FBN3: variants seen among roughly 807,000 people sequenced by gnomAD.
FBN3 encodes fibrillin-3.
In FBN3, 234 loss-of-function variants were observed where a neutral mutation model predicts 330.1. The ratio of observed to expected loss-of-function variants is 0.71; its 90% CI spans 0.64 to 0.79. FBN3 has a LOEUF of 0.79. FBN3 is among the 30% of genes least tolerant of loss of function. FBN3 has a pLI of 0.00. For missense variants in FBN3, 3,606 were observed against 3,886.9 expected (o/e 0.93, Z 1.92); for synonymous variants, 1,458 against 1,517.3 (o/e 0.96, Z 0.91).
intron 61 of FBN3, 64 bp downstream of exon 61, chr19:8,075,007 T>C (rs2145376483): frequency 1.3e-6 from 2 of 1,542,620 alleles, no homozygotes; most frequent in East Asian, 2.3e-5. Context: ...TGGCGTCTGT[T>C]AGTCGCCTGC....
rs2083066650 is a variant in FBN3 at position 8,129,185 on chromosome 19, G to A, written c.2171-32C>T. The A allele has an allele frequency of 6.2e-7, 1 of 1,611,930 alleles. No individual in the cohort carries two copies. Among genetic ancestry groups the A allele is most frequent in the Non-Finnish European group, 8.5e-7 (1 of 1,178,944 alleles). On this transcript the variant is annotated intron_variant, in intron 17 of 63. Coordinates refer to ENST00000600128, the MANE Select transcript of FBN3 (RefSeq NM_032447.5). The surrounding 1 kb of genome is among the most constrained non-coding windows in gnomAD (Gnocchi z 4.5). ...GGTGGGGGTGGGAGAGAGGGGTGAGGGGTCTGCAGTGGGAGAGGCTGCCCA... is the reference window on the plus strand; with the variant it reads ...GGTGGGGGTGGGAGAGAGGGGTGAGAGGTCTGCAGTGGGAGAGGCTGCCCA...
In FBN3 at chr19:8,117,181, T is replaced by C; in HGVS notation, c.3574A>G (p.Arg1192Gly). The stretch of plus-strand genomic sequence containing the variant: ...TGTGCCCACCTACCTGCACATGCCC[T>C]TCCGTCGGGCATCAGCGAGTAGCCC... ...GQGYSLMPDG[R>G]ACADVDECEE... Residue 1192 changes from arginine (R) to glycine (G), a missense_variant, in exon 28 of 64, where the codon AGG becomes GGG. Transcript: ENST00000600128. 1.9e-6 allele frequency: 3 copies of C among 1,614,092 alleles called. No homozygotes were observed. In the South Asian group the frequency reaches 3.3e-5, roughly 18 times the overall value.
intron 47 of FBN3, among the ~76,000 whole-genome samples, chr19:8,092,580 G>A (rs2082119270): frequency 6.6e-6 from 1 of 151,768 alleles, no homozygotes; most frequent in African/African-American, 2.4e-5. Flanking sequence ...GGGCATTGTG[G>A]CGGGGCGCAC....
intron 6 of FBN3, among the ~76,000 whole-genome samples, 194 bp from the exon 7 acceptor site, chr19:8,142,331 T>C (rs1356505129): frequency 6.6e-6 from 1 of 152,156 alleles, no homozygotes; most frequent in Non-Finnish European, 1.5e-5. Context: ...AAACCCTTTT[T>C]CTTCAAAGCA....
rs1485216019 is a variant in FBN3 at position 8,129,223 on chromosome 19, C to T, written c.2170+17G>A. 6.2e-7 allele frequency: 1 copy of T among 1,613,354 alleles called. No individual in the cohort carries two copies. The highest frequency in any genetic ancestry group is 8.5e-7 in the Non-Finnish European group (1 of 1,179,624). On this transcript the variant is annotated intron_variant, in intron 17 of 63. Transcript: ENST00000600128. The surrounding 1 kb of genome is among the most constrained non-coding windows in gnomAD (Gnocchi z 4.5). ...GAGAGGCTGCCCACACATCCGCCCG[C>T]CAGGTGGCATGCTCACCTGTGCAGT...
rs758969523 is a variant in FBN3, at chr19:8,115,368, T to C, written c.3838+147A>G. 1.0e-4 allele frequency: 110 copies of C among 1,084,346 alleles called. 1 individual carries two copies. The highest frequency in any genetic ancestry group is 9.1e-6 in the Non-Finnish European group (7 of 766,482). The allele number at this position is 1,084,346 out of a possible 1,614,324, so 67.2% of individuals were successfully genotyped here. On this transcript the variant is annotated intron_variant, in intron 30 of 63. Coordinates refer to ENST00000600128, the MANE Select transcript of FBN3 (RefSeq NM_032447.5). ...CCCGGGGCACTGTATAGGACTCTGTTCTTGCTTTAACACAAGAAGCCATCC... is the reference window on the plus strand; with the variant it reads ...CCCGGGGCACTGTATAGGACTCTGTCCTTGCTTTAACACAAGAAGCCATCC...
rs60853419 is a variant in FBN3 at position 8,129,065 on chromosome 19, G to C, written c.2259C>G (p.Pro753=). Residue 753 remains proline (P), a synonymous_variant, in exon 18 of 64, where the codon CCC becomes CCG. Transcript: ENST00000600128. This position sits in a 1 kb window ranked among gnomAD's most constrained non-coding sequence, Gnocchi z 4.5. ...CCGTGTCCTGCCAGAAGTGGAAGCC[G>C]GGGGGGCAGGAGCAGCTGTAGCTGC... The part of the protein sequence containing the change: ...SPGSYSCSCP[P]GFHFWQDTEI... 9 of 1,612,412 alleles carry C rather than the reference G, an allele frequency of 5.6e-6. No individual in the cohort carries two copies. Among genetic ancestry groups the C allele is most frequent in the Middle Eastern group, 1.7e-4 (1 of 5,744 alleles).
At chr19:8,127,755 G>A (rs941227422) in intron 18 of FBN3, among the ~76,000 whole-genome samples, 1 of 152,200 alleles carries the variant, frequency 6.6e-6, no homozygotes, top group Non-Finnish European at 1.5e-5. Flanking sequence ...AGGCAGAGGC[G>A]GGTGGATCAC....
At chr19:8,126,423 G>A (rs1220972110) in intron 20 of FBN3, 45 bp downstream of exon 20, 1 of 1,598,010 alleles carries the variant, frequency 6.3e-7, no homozygotes, top group Non-Finnish European at 8.5e-7. Context: ...GCCCCATGGA[G>A]GGCTTTTCCC....
At chr19:8,114,684 C>G (rs2082668050) in intron 30 of FBN3, among the ~76,000 whole-genome samples, 1 of 152,110 alleles carries the variant, frequency 6.6e-6, no homozygotes, top group South Asian at 2.1e-4. Context: ...TTTGGCCTCC[C>G]AAAGTGCTGG....
At position 8,086,471 on chromosome 19, in the gene FBN3, T is replaced by A. The variant is rs113759974; in HGVS notation, c.6755-146A>T. 2.7e-5 allele frequency: 8 copies of A among 299,178 alleles called. No individual in the cohort carries two copies. The South Asian group carries it at 5.9e-4, about 22-fold the overall frequency. 18.5% of individuals were successfully genotyped at this position (299,178 alleles called of 1,614,324 possible). ...TTTTATTATTATTATTATTATTATTTTTTGAGACAGAGTCTCGCTCCGTTT... is the reference window on the plus strand; with the variant it reads ...TTTTATTATTATTATTATTATTATTATTTGAGACAGAGTCTCGCTCCGTTT... On this transcript the variant is annotated intron_variant, in intron 54 of 63. Transcript: ENST00000600128.
At chr19:8,079,870 A>T (rs1015477348) in intron 59 of FBN3, among the ~76,000 whole-genome samples, 1 of 152,162 alleles carries the variant, frequency 6.6e-6, no homozygotes, top group Non-Finnish European at 1.5e-5. Context: ...GATTACAGGC[A>T]TGAGCTACCA....
intron 41 of FBN3, 104 bp downstream of exon 41, chr19:8,100,797 G>A: frequency 2.4e-6 from 2 of 829,786 alleles, no homozygotes; most frequent in South Asian, 1.4e-5. Context: ...GGGGAGGATG[G>A]AGGAGTGGAT....
Position 8,111,653 on chromosome 19 carries a change from C to T in FBN3, c.4079G>A (p.Cys1360Tyr), listed in dbSNP as rs763445323. ...TCCCACCCCTCTAATCTCACCTTCG[C>T]AGAAGAAGCCATCCCCGGCAAAGCC... ...RQGFAGDGFF[C>Y]EDRDECAENV... Residue 1360 changes from cysteine to tyrosine, a missense_variant, in exon 32 of 64, where the codon TGC (cysteine) becomes TAC (tyrosine). Coordinates refer to ENST00000600128, the MANE Select transcript of FBN3 (RefSeq NM_032447.5). 1 of 1,604,972 alleles carries T rather than the reference C, an allele frequency of 6.2e-7. No individual in the cohort carries two copies. Among genetic ancestry groups the T allele is most frequent in the Non-Finnish European group, 8.5e-7 (1 of 1,174,586 alleles).
At chr19:8,102,953 C>T in intron 39 of FBN3, 80 bp from the exon 40 acceptor site, 1 of 1,369,186 alleles carries the variant, frequency 7.3e-7, no homozygotes, top group Non-Finnish European at 1.0e-6. Flanking sequence ...GATAGGAACT[C>T]CTTAACTGAT....
rs1047423706 is a variant in FBN3 at position 8,083,082 on chromosome 19, C to A, written c.7213+165G>T. Reference sequence around the variant, plus strand: ...TCCCAAAATACTGGGATTACAGTAGCGAGCCATCACACCTGGCCCTCAGTT... The same window carrying A: ...TCCCAAAATACTGGGATTACAGTAGAGAGCCATCACACCTGGCCCTCAGTT... On this transcript the variant is annotated intron_variant, in intron 57 of 63. Transcript: ENST00000600128. Among the ~76,000 whole-genome samples the A allele has an allele frequency of 3.3e-5, 5 of 152,280 alleles. No individual in the cohort carries two copies. In the East Asian group the frequency reaches 7.7e-4, roughly 24 times the overall value.
In FBN3 at chr19:8,133,242, G is replaced by C. The variant is rs1183333752; in HGVS notation, c.1592-136C>G. On this transcript the variant is annotated intron_variant, in intron 13 of 63. Coordinates refer to ENST00000600128, the MANE Select transcript of FBN3 (RefSeq NM_032447.5). ...AGGCAAACAAGCTGTGGTTGTCTGTGACTGTGTGAGCTTGTATATTAGTCC... is the reference window on the plus strand; with the variant it reads ...AGGCAAACAAGCTGTGGTTGTCTGTCACTGTGTGAGCTTGTATATTAGTCC... 7 of 1,139,924 alleles carry C rather than the reference G, an allele frequency of 6.1e-6. No individual in the cohort carries two copies. In the African/African-American group the frequency reaches 9.4e-5, roughly 15 times the overall value. 70.6% of individuals were successfully genotyped at this position (1,139,924 alleles called of 1,614,324 possible).
intron 41 of FBN3, among the ~76,000 whole-genome samples, chr19:8,099,553 T>C (rs7258484): frequency 0.87 from 131,258 of 151,258 alleles, 57,125 homozygotes; most frequent in Middle Eastern, 0.91. Flanking sequence ...GTGCTGGGAT[T>C]ACAGGTGTGA....
At chr19:8,111,949 C>A (rs762778742) in intron 31 of FBN3, 28 bp downstream of exon 31, 1 of 1,077,374 alleles carries the variant, frequency 9.3e-7, no homozygotes, top group Admixed American at 2.1e-5. Flanking sequence ...TACTGCTTTG[C>A]CCCCACTCCC....
Sources: allele counts gnomAD v4.1 joint callset (sites outside exome capture counted in the v4.1 genomes callset), GRCh38; gene constraint gnomAD v4.1.1; non-coding constraint Gnocchi (gnomAD v3.1); transcripts MANE v1.5; gene names NCBI Gene and HGNC (gene_info 2026-07-23, HGNC 2026-07-21).